NXNL1: variants seen among roughly 807,000 people sequenced by gnomAD.
NXNL1 encodes the protein nucleoredoxin like 1.
In NXNL1, 6 loss-of-function variants were observed where a neutral mutation model predicts 7.2. The observed-to-expected ratio is 0.83, with a 90% CI of 0.46 to 1.64. The LOEUF is 1.64. Among genes scored for constraint, NXNL1 ranks in the 40% most tolerant of loss-of-function variants. NXNL1 has a pLI of 0.01. For missense variants in NXNL1, 308 were observed against 285.1 expected, an observed-to-expected ratio of 1.08 and a Z score of -0.58; for synonymous variants, 133 against 127.2, an observed-to-expected ratio of 1.05 and a Z score of -0.31.
intron 1 of NXNL1, among the ~76,000 whole-genome samples, chr19:17,458,596 A>AT (rs34265338): frequency 0.27 from 23,928 of 87,896 alleles, 3,765 homozygotes; most frequent in Non-Finnish European, 0.34. Flanking sequence ...GATCTTTTTA[A>AT]TTTTTTTTTT....
chr19:17,460,443 A>G, intron 1 of NXNL1, 101 bp downstream of exon 1: 1 of 1,275,056 alleles, frequency 7.8e-7, no homozygotes, highest in Non-Finnish European at 1.1e-6. Context: ...CAGTATATGG[A>G]CTGGCACACA....
At chr19:17,460,438 T>G in intron 1 of NXNL1, 106 bp downstream of exon 1, 2 of 1,219,034 alleles carry the variant, frequency 1.6e-6, no homozygotes, top group Non-Finnish European at 2.3e-6. Context: ...GTTCCCAGTA[T>G]ATGGACTGGC....
intron 1 of NXNL1, 88 bp downstream of exon 1, chr19:17,460,456 G>A: frequency 7.2e-7 from 1 of 1,386,786 alleles, no homozygotes; most frequent in Non-Finnish European, 9.8e-7. Flanking sequence ...GGCACACAGG[G>A]GCTGCTCATT....
intron 1 of NXNL1, 81 bp downstream of exon 1, chr19:17,460,463 C>T: frequency 6.9e-7 from 1 of 1,447,294 alleles, no homozygotes; most frequent in Non-Finnish European, 9.4e-7. Flanking sequence ...AGGGGCTGCT[C>T]ATTCACTCTA....
At chr19:17,458,248 C>A (rs1484757862) in intron 1 of NXNL1, among the ~76,000 whole-genome samples, 1 of 112,208 alleles carries the variant, frequency 8.9e-6, no homozygotes, top group African/African-American at 3.4e-5. Flanking sequence ...GTGACATAGT[C>A]TCGCTCTGTC....
intron 1 of NXNL1, among the ~76,000 whole-genome samples, chr19:17,459,232 T>C (rs1470284180): frequency 3.3e-5 from 5 of 151,260 alleles, no homozygotes; most frequent in Non-Finnish European, 5.9e-5. Flanking sequence ...AACAATAACA[T>C]TGTAAATTTG....
At chr19:17,456,133 G>T (rs1016855388) in intron 1 of NXNL1, among the ~76,000 whole-genome samples, 174 bp from the exon 2 acceptor site, 1 of 152,006 alleles carries the variant, frequency 6.6e-6, no homozygotes, top group East Asian at 1.9e-4. Context: ...TGGTCCCCGC[G>T]CTTTGTCTCC....
Position 17,455,671 on chromosome 19 carries a change from C to CA in NXNL1, c.614_615insT (p.Glu205AspfsTer12). On this transcript the variant is annotated frameshift_variant, in exon 2 of 2. Transcript: ENST00000301944. LOFTEE classifies it high-confidence loss of function. ...GTCAGAACAGCCCCCCGGCCCCGCC[C>CA]TCCTCCCCACCCCCTCCCCCGGGGT... is the stretch of plus-strand genomic sequence containing the variant. 9.3e-7 allele frequency: 1 copy of CA among 1,079,742 alleles called. No homozygotes were observed. Among genetic ancestry groups the CA allele is most frequent in the Non-Finnish European group, 1.3e-6 (1 of 744,340 alleles). The allele number at this position is 1,079,742 out of a possible 1,614,324, so 66.9% of individuals were successfully genotyped here. A position where few individuals can be genotyped will look rare whatever the true frequency, so the allele number is the denominator to read the frequency against.
Position 17,460,627 on chromosome 19 carries a change from G to C in NXNL1, c.243C>G (p.Asp81Glu). 1 of 1,612,106 alleles carries C rather than the reference G, an allele frequency of 6.2e-7. No homozygotes were observed. Among genetic ancestry groups the C allele is most frequent in the Non-Finnish European group, 8.5e-7 (1 of 1,180,022 alleles). ...AQLALVYVSQ[D>E]STEEQQDLFL... ...ACAGGTCCTGCTGCTCCTCCGTGGA[G>C]TCCTGGGACACGTACACCAGGGCCA... is the stretch of plus-strand genomic sequence containing the variant. The change falls in exon 1 of 2, where the codon GAC becomes GAG. Residue 81 changes from aspartate (D) to glutamate (E), a missense_variant. Coordinates refer to ENST00000301944, the MANE Select transcript of NXNL1 (RefSeq NM_138454.2).
chr19:17,455,691 C>CCCCCCCCG lies in NXNL1; in HGVS notation c.594_595insCGGGGGGG (p.Gly199ArgfsTer68). 2.0e-6 allele frequency: 3 copies of CCCCCCCCG among 1,513,730 alleles called. No individual in the cohort carries two copies. Among genetic ancestry groups the CCCCCCCCG allele is most frequent in the Non-Finnish European group, 2.7e-6 (3 of 1,130,306 alleles). The allele number at this position is 1,513,730 out of a possible 1,614,324, so 93.8% of individuals were successfully genotyped here. A position where few individuals can be genotyped will look rare whatever the true frequency, so the allele number is the denominator to read the frequency against. ...CCGCCCTCCTCCCCACCCCCTCCCC[C>CCCCCCCCG]GGGGTCGCGCCCGCCTCGCGCCGCC... On this transcript the variant is annotated frameshift_variant, in exon 2 of 2. Transcript: ENST00000301944. LOFTEE classifies it low-confidence loss of function (END_TRUNC).
intron 1 of NXNL1, among the ~76,000 whole-genome samples, chr19:17,458,220 CTT>C (rs756873224): frequency 0.02 from 2,413 of 122,004 alleles, 17 homozygotes; most frequent in African/African-American, 0.07. Context: ...TTCTTTCTTT[CTT>C]TTTTTTTTTT....
At chr19:17,459,212 C>T (rs955619951) in intron 1 of NXNL1, among the ~76,000 whole-genome samples, 5 of 152,152 alleles carry the variant, frequency 3.3e-5, no homozygotes, top group South Asian at 2.1e-4. Flanking sequence ...ATGACAAATG[C>T]GTGGGCAGTA....
At chr19:17,457,809 G>A (rs955143595) in intron 1 of NXNL1, among the ~76,000 whole-genome samples, 5 of 152,352 alleles carry the variant, frequency 3.3e-5, no homozygotes, top group East Asian at 1.9e-4. Flanking sequence ...TGCAGCTGGC[G>A]TCTCTGCCCC....
chr19:17,456,319 T>TAAATAAAC, intron 1 of NXNL1, among the ~76,000 whole-genome samples: 1 of 150,352 alleles, frequency 6.7e-6, no homozygotes, highest in South Asian at 2.1e-4. Flanking sequence ...AATAAATAAA[T>TAAATAAAC]AAATAAATAA....
chr19:17,456,966 C>T (rs915708748), intron 1 of NXNL1, among the ~76,000 whole-genome samples: 2 of 151,942 alleles, frequency 1.3e-5, no homozygotes, highest in South Asian at 2.1e-4. Flanking sequence ...AGGAGAATGG[C>T]GTGAACCCGG....
chr19:17,455,712 C>A lies in NXNL1; in HGVS notation c.574G>T (p.Ala192Ser). The A allele has an allele frequency of 1.3e-6, 2 of 1,530,200 alleles. No homozygotes were observed. Among genetic ancestry groups the A allele is most frequent in the Non-Finnish European group, 1.7e-6 (2 of 1,144,530 alleles). The allele number at this position is 1,530,200 out of a possible 1,614,324, so 94.8% of individuals were successfully genotyped here. A position where few individuals can be genotyped will look rare whatever the true frequency, so the allele number is the denominator to read the frequency against. ...RRHKYRVEKA[A>S]RGGRDPGGGG... ...CCCCCGGGGTCGCGCCCGCCTCGCG[C>A]CGCCTTTTCCACGCGGTACTTGTGG... The change falls in exon 2 of 2, where the codon GCG (alanine) becomes TCG (serine). Residue 192 changes from alanine to serine, a missense_variant. Coordinates refer to ENST00000301944, the MANE Select transcript of NXNL1 (RefSeq NM_138454.2).
intron 1 of NXNL1, among the ~76,000 whole-genome samples, chr19:17,458,198 CTTTCTTTCTT>C (rs1419143398): frequency 6.9e-6 from 1 of 144,772 alleles, no homozygotes; most frequent in Non-Finnish European, 1.5e-5. Flanking sequence ...CATTTTTTTT[CTTTCTTTCTT>C]TTTCTTTCTT....
In NXNL1 at chr19:17,455,814, C is replaced by A. The variant is rs373187772; in HGVS notation, c.472G>T (p.Val158Leu). 6.4e-7 allele frequency: 1 copy of A among 1,572,962 alleles called. No individual in the cohort carries two copies. Among genetic ancestry groups the A allele is most frequent in the African/African-American group, 1.3e-5 (1 of 74,322 alleles). Residue 158 changes from valine (V) to leucine (L), a missense_variant, in exon 2 of 2, where the codon GTG becomes TTG. Physicochemically the swap from Val to Leu is conservative, Grantham distance 32. Transcript: ENST00000301944. ...CFANWQEAAE[V>L]LDRNFQLPED... ...GGCAGCTGGAAGTTGCGGTCCAGCA[C>A]CTCGGCCGCCTCCTGCCAGTTGGCG...
Position 17,455,663 on chromosome 19 carries a change from G to GGCCCCCC in NXNL1, c.622_623insGGGGGGC (p.Ala208GlyfsTer11). On this transcript the variant is annotated frameshift_variant, in exon 2 of 2. Coordinates refer to ENST00000301944, the MANE Select transcript of NXNL1 (RefSeq NM_138454.2). LOFTEE classifies it high-confidence loss of function. The stretch of plus-strand genomic sequence containing the variant: ...CCTAGCGGGTCAGAACAGCCCCCCG[G>GGCCCCCC]CCCCGCCCTCCTCCCCACCCCCTCC... The GGCCCCCC allele has an allele frequency of 3.9e-6, 3 of 771,714 alleles. No individual in the cohort carries two copies. The highest frequency in any genetic ancestry group is 2.8e-5 in the East Asian group (1 of 36,240). 47.8% of individuals were successfully genotyped at this position (771,714 alleles called of 1,614,324 possible).
Sources: gnomAD v4.1 joint callset for allele counts (sites outside exome capture counted in the v4.1 genomes callset) on GRCh38, gnomAD v4.1.1 for gene constraint, MANE v1.5 for transcripts, NCBI Gene and HGNC (gene_info 2026-07-23, HGNC 2026-07-21) for gene names.